Variants in PKIB observed in about 807,000 individuals in gnomAD.
PKIB encodes PKI-beta.
PKIB carries 2 observed loss-of-function variants against 4.5 expected under a neutral mutation model. That is an observed-to-expected ratio of 0.44 (90% confidence interval 0.18 to 1.39). The LOEUF is 1.39. Among genes scored for constraint, PKIB ranks in the 40% most tolerant of loss-of-function variants. PKIB has a pLI of 0.27. For missense variants in PKIB, 94 were observed against 92.6 expected (o/e 1.02, Z -0.06); for synonymous variants, 38 against 36.0 (o/e 1.06, Z -0.20).
chr6:122,474,939 A>G (rs1324113021), intron 1 of PKIB, among the ~76,000 whole-genome samples: 2 of 152,218 alleles, frequency 1.3e-5, no homozygotes, highest in African/African-American at 2.4e-5. Flanking sequence ...ATATTAACCA[A>G]TGTAATTTCA....
chr6:122,562,486 A>G (rs890833381), intron 2 of PKIB, among the ~76,000 whole-genome samples: 6 of 152,088 alleles, frequency 3.9e-5, no homozygotes, highest in Non-Finnish European at 8.8e-5. Flanking sequence ...TGCTTTTCGT[A>G]TTTGGATGTC....
chr6:122,639,982 G>C (rs1776063428), intron 2 of PKIB, among the ~76,000 whole-genome samples: 1 of 152,162 alleles, frequency 6.6e-6, no homozygotes, highest in Admixed American at 6.5e-5. Flanking sequence ...TTTTGAGTTA[G>C]ATCTACCAGC....
chr6:122,650,099 G>A (rs886710192), intron 2 of PKIB, among the ~76,000 whole-genome samples: 1 of 152,076 alleles, frequency 6.6e-6, no homozygotes, highest in Non-Finnish European at 1.5e-5. Context: ...ATCCAAAGAG[G>A]CCCACTTGGC....
chr6:122,700,893 G>A (rs1030992966), intron 3 of PKIB, among the ~76,000 whole-genome samples: 2 of 152,186 alleles, frequency 1.3e-5, no homozygotes, highest in Admixed American at 6.5e-5. Context: ...AAAGTCATTA[G>A]TCTATGGCTT....
chr6:122,481,453 C>A (rs1775606673), intron 2 of PKIB: 1 of 152,134 alleles, frequency 6.6e-6, no homozygotes, highest in Non-Finnish European at 1.5e-5. Context: ...ACTGTTACTG[C>A]TGTAAAGAAC....
At chr6:122,541,817 C>T (rs1324153967) in intron 2 of PKIB, among the ~76,000 whole-genome samples, 2 of 151,814 alleles carry the variant, frequency 1.3e-5, no homozygotes, top group Non-Finnish European at 2.9e-5. Flanking sequence ...TTTTCAGGTA[C>T]ACCAATCAGA....
At position 122,532,811 on chromosome 6, in the gene PKIB, A is replaced by G. The variant is rs539734862; in HGVS notation, c.-247-53110A>G. The stretch of plus-strand genomic sequence containing the variant: ...TTCTATTCTTTTGGCTACTATGAAT[A>G]ATGTTGGGTGCACGAATATCTCTTC... On this transcript the variant is annotated intron_variant, in intron 2 of 6. Coordinates refer to the PKIB transcript ENST00000392491. Among the ~76,000 whole-genome samples the G allele has an allele frequency of 6.2e-4, 94 of 152,268 alleles. No individual in the cohort carries two copies. The South Asian group carries it at 0.013, about 21-fold the overall frequency.
intron 2 of PKIB, among the ~76,000 whole-genome samples, chr6:122,646,225 T>C (rs143791781): frequency 1.3e-5 from 2 of 152,336 alleles, no homozygotes; most frequent in African/African-American, 4.8e-5. Context: ...TGGAAGTTGC[T>C]GAAATTAATT....
intron 2 of PKIB, among the ~76,000 whole-genome samples, chr6:122,647,628 T>C (rs752886681): frequency 2.3e-4 from 35 of 152,216 alleles, no homozygotes; most frequent in Non-Finnish European, 4.4e-4. Context: ...GCTTAAACAC[T>C]GTGATGTAAA....
At chr6:122,650,818 A>T (rs1417012425) in intron 2 of PKIB, among the ~76,000 whole-genome samples, 1 of 152,210 alleles carries the variant, frequency 6.6e-6, no homozygotes, top group East Asian at 1.9e-4. Context: ...TGATAAATTT[A>T]TTCTACTATT....
intron 3 of PKIB, among the ~76,000 whole-genome samples, chr6:122,715,233 C>T (rs186407431): frequency 4.2e-3 from 637 of 151,706 alleles, no homozygotes; most frequent in Non-Finnish European, 6.7e-3. Context: ...TATTTAAGAT[C>T]GCATATCTTA....
At chr6:122,644,717 G>A (rs1776244599) in intron 2 of PKIB, 2 of 151,810 alleles carry the variant, frequency 1.3e-5, no homozygotes, top group Admixed American at 1.3e-4. Context: ...ATCATTTTAA[G>A]TGTTTCTTGC....
chr6:122,552,199 A>G (rs1033905644), intron 2 of PKIB, among the ~76,000 whole-genome samples: 3 of 151,964 alleles, frequency 2.0e-5, no homozygotes, highest in Non-Finnish European at 4.4e-5. Flanking sequence ...CTTGGTTCCA[A>G]TGTGTTCCTT....
chr6:122,695,059 T>C (rs1778516352), intron 3 of PKIB, among the ~76,000 whole-genome samples: 1 of 152,130 alleles, frequency 6.6e-6, no homozygotes, highest in Non-Finnish European at 1.5e-5. Flanking sequence ...TCTCATGAAA[T>C]GCAAACTTAT....
At chr6:122,568,440 C>T (rs1409255455) in intron 2 of PKIB, among the ~76,000 whole-genome samples, 1 of 152,142 alleles carries the variant, frequency 6.6e-6, no homozygotes, top group Non-Finnish European at 1.5e-5. Flanking sequence ...AGGACATATC[C>T]CCACCAGGAA....
At chr6:122,704,656 GAT>G (rs1778980797) in intron 3 of PKIB, among the ~76,000 whole-genome samples, 1 of 151,984 alleles carries the variant, frequency 6.6e-6, no homozygotes, top group African/African-American at 2.4e-5. Flanking sequence ...TAAATACTTA[GAT>G]ATATGCTAAG....
chr6:122,511,470 T>C (rs755570645), intron 2 of PKIB, among the ~76,000 whole-genome samples: 4 of 152,204 alleles, frequency 2.6e-5, no homozygotes, highest in Non-Finnish European at 5.9e-5. Context: ...AGGAGTCCTT[T>C]GTCCATCGGT....
intron 2 of PKIB, among the ~76,000 whole-genome samples, chr6:122,552,232 G>A (rs374822281): frequency 1.3e-5 from 2 of 152,272 alleles, no homozygotes. Context: ...TACAGTATGA[G>A]TAGCTTCTGC....
intron 3 of PKIB, among the ~76,000 whole-genome samples, chr6:122,690,093 A>G (rs1251747810): frequency 1.3e-5 from 2 of 151,632 alleles, no homozygotes; most frequent in Non-Finnish European, 2.9e-5. Flanking sequence ...GACTTCCATT[A>G]GCATGGAATA....
Sources: gnomAD v4.1 joint callset for allele counts (sites outside exome capture counted in the v4.1 genomes callset) on GRCh38, gnomAD v4.1.1 for gene constraint, MANE v1.5 for transcripts, NCBI Gene and HGNC (gene_info 2026-07-23, HGNC 2026-07-21) for gene names.